The following PPARG variants were observed in gnomAD, a reference collection of about 807,000 sequenced individuals.
PPARG encodes the protein peroxisome proliferator activated receptor gamma.
A neutral mutation model predicts 39.2 loss-of-function variants in PPARG; 17 were observed. That is an observed-to-expected ratio of 0.43 (90% CI 0.30 to 0.65). PPARG has a LOEUF of 0.65. Among genes scored for constraint, PPARG ranks in the 30% least tolerant of loss-of-function variants. The pLI, the probability that PPARG is intolerant of heterozygous loss-of-function variation, is 0.13. For synonymous variants in PPARG, 223 were observed against 215.7 expected, an observed-to-expected ratio of 1.03 and a Z score of -0.30; for missense variants, 406 against 585.9, an observed-to-expected ratio of 0.69 and a Z score of 3.17.
At position 12,333,926 on chromosome 3, in the gene PPARG, C is replaced by T. The variant is rs139859694; in HGVS notation, c.-9+21473C>T. ...ATTGTCCCCAGCCATCCCATTTTGACGAGTTTTTTTGAGTCCCTGTGAAAC... is the reference window on the plus strand; with the variant it reads ...ATTGTCCCCAGCCATCCCATTTTGATGAGTTTTTTTGAGTCCCTGTGAAAC... On this transcript the variant is annotated intron_variant, in intron 2 of 7. Transcript: ENST00000651735. 2.8e-3 allele frequency among the ~76,000 whole-genome samples: 431 copies of T among 152,294 alleles called. 2 individuals are homozygous for T. The highest frequency in any genetic ancestry group is 9.4e-3 in the African/African-American group (392 of 41,570).
At chr3:12,330,302 T>TAAAAA (rs67976990) in intron 2 of PPARG, among the ~76,000 whole-genome samples, 69 of 121,054 alleles carry the variant, frequency 5.7e-4, no homozygotes, top group East Asian at 3.8e-3. Context: ...CACCTTTTTT[T>TAAAAA]AAAAAAAAAA....
intron 5 of PPARG, among the ~76,000 whole-genome samples, chr3:12,395,124 A>G (rs566288555): frequency 6.6e-6 from 1 of 152,330 alleles, no homozygotes; most frequent in Non-Finnish European, 1.5e-5. Flanking sequence ...GTTGTTGGAT[A>G]GTCACTGAAA....
At chr3:12,372,046 G>A (rs193058092) in intron 2 of PPARG, 19 of 718,244 alleles carry the variant, frequency 2.6e-5, no homozygotes, top group Middle Eastern at 2.3e-4. Flanking sequence ...TTGAAAAATC[G>A]GCGGTTAAGT....
chr3:12,375,765 T>C (rs1575078445), intron 2 of PPARG, among the ~76,000 whole-genome samples: 1 of 152,152 alleles, frequency 6.6e-6, no homozygotes, highest in East Asian at 1.9e-4. Context: ...GAATGACCTT[T>C]AACTATCACC....
intron 5 of PPARG, among the ~76,000 whole-genome samples, chr3:12,393,622 A>T (rs1459473116): frequency 5.3e-5 from 8 of 152,174 alleles, no homozygotes; most frequent in African/African-American, 1.7e-4. Flanking sequence ...GCACTCAAGG[A>T]ATAAAAAATG....
At chr3:12,296,754 G>A (rs1244774445) in intron 1 of PPARG, among the ~76,000 whole-genome samples, 2 of 152,122 alleles carry the variant, frequency 1.3e-5, no homozygotes, top group Non-Finnish European at 2.9e-5. Flanking sequence ...CCTAGTCTCC[G>A]CGTCAAAGAC....
At chr3:12,413,808 C>T (rs2050963719) in intron 6 of PPARG, among the ~76,000 whole-genome samples, 1 of 134,330 alleles carries the variant, frequency 7.4e-6, no homozygotes, top group South Asian at 2.2e-4. Flanking sequence ...AGGAGCAAAA[C>T]TCCATCTCAA....
intron 2 of PPARG, among the ~76,000 whole-genome samples, chr3:12,338,864 G>A (rs1298072531): frequency 1.3e-5 from 2 of 152,178 alleles, no homozygotes; most frequent in East Asian, 3.8e-4. Context: ...TTGGGCACCA[G>A]TGAAATCACA....
At chr3:12,360,589 A>AAG (rs201075623) in intron 2 of PPARG, among the ~76,000 whole-genome samples, 1 of 151,338 alleles carries the variant, frequency 6.6e-6, no homozygotes, top group East Asian at 1.9e-4. Flanking sequence ...AAAAAAAAAA[A>AAG]CAGAACAATA....
At chr3:12,289,461 T>C (rs1209496499) in intron 1 of PPARG, among the ~76,000 whole-genome samples, 1 of 152,246 alleles carries the variant, frequency 6.6e-6, no homozygotes, top group Non-Finnish European at 1.5e-5. Flanking sequence ...AGTTGTATAA[T>C]ACCTATTCCT....
chr3:12,348,928 G>A (rs1271622407), intron 2 of PPARG, among the ~76,000 whole-genome samples: 2 of 152,128 alleles, frequency 1.3e-5, no homozygotes, highest in Admixed American at 6.6e-5. Flanking sequence ...ATTATAAAGG[G>A]CAGGACACTG....
chr3:12,325,072 A>C (rs1310837191), intron 2 of PPARG, among the ~76,000 whole-genome samples: 2 of 152,114 alleles, frequency 1.3e-5, no homozygotes, highest in African/African-American at 4.8e-5. Flanking sequence ...GGATCACTTG[A>C]GCTCAGGAGG....
At chr3:12,351,635 G>A (rs943725719) in intron 2 of PPARG, 7 of 1,611,742 alleles carry the variant, frequency 4.3e-6, no homozygotes, top group South Asian at 2.2e-5. Context: ...CCCAGAAAGC[G>A]ATTCCTTCAC....
intron 5 of PPARG, among the ~76,000 whole-genome samples, chr3:12,394,075 A>G (rs1215490788): frequency 6.6e-6 from 1 of 152,098 alleles, no homozygotes; most frequent in East Asian, 1.9e-4. Flanking sequence ...TTTCCTTTTT[A>G]TTTCAGACCT....
At chr3:12,318,995 C>T (rs12633551) in intron 2 of PPARG, among the ~76,000 whole-genome samples, 4,777 of 152,180 alleles carry the variant, frequency 0.031, 259 homozygotes, top group East Asian at 0.28. Context: ...AATTTAGTGA[C>T]GTAAGCATCT....
intron 2 of PPARG, among the ~76,000 whole-genome samples, chr3:12,346,531 G>A (rs559098224): frequency 1.2e-4 from 19 of 152,056 alleles, no homozygotes; most frequent in African/African-American, 4.3e-4. Context: ...AGACAAAAAC[G>A]TAAAACCTAG....
intron 5 of PPARG, among the ~76,000 whole-genome samples, chr3:12,403,495 G>T (rs992412662): frequency 2.6e-5 from 4 of 151,700 alleles, no homozygotes; most frequent in African/African-American, 9.7e-5. Flanking sequence ...GATTAGAGGC[G>T]CACACCACCA....
intron 5 of PPARG, among the ~76,000 whole-genome samples, chr3:12,398,337 G>C (rs766493228): frequency 5.9e-5 from 9 of 152,216 alleles, no homozygotes; most frequent in Non-Finnish European, 1.3e-4. Flanking sequence ...CCTGAAGGGA[G>C]AGAAGTTGTC....
intron 1 of PPARG, among the ~76,000 whole-genome samples, chr3:12,308,310 C>T (rs1413661678): frequency 8.0e-6 from 1 of 124,508 alleles, no homozygotes; most frequent in East Asian, 2.5e-4. Flanking sequence ...CACCACTGTA[C>T]TCTAACCTGG....
Sources: gnomAD v4.1 joint callset for allele counts (sites outside exome capture counted in the v4.1 genomes callset) on GRCh38, gnomAD v4.1.1 for gene constraint, MANE v1.5 for transcripts, NCBI Gene and HGNC (gene_info 2026-07-23, HGNC 2026-07-21) for gene names.